DRC11: variants seen among roughly 807,000 people sequenced by gnomAD.
The protein encoded by DRC11 is dynein regulatory complex subunit 11.
the DRC11 span, among the ~76,000 whole-genome samples, chr2:236,328,824 C>T: frequency 6.6e-6 from 1 of 152,156 alleles, no homozygotes; most frequent in Non-Finnish European, 1.5e-5. The surrounding 1 kb of genome is among the most constrained non-coding windows in gnomAD (Gnocchi z 6.7). Context: ...TTGTTACTTG[C>T]CTCTTGTATT....
At chr2:236,391,971 C>T in the DRC11 span, 23 of 1,613,316 alleles carry the variant, frequency 1.4e-5, no homozygotes, top group East Asian at 4.7e-4. This position sits in a 1 kb window ranked among gnomAD's most constrained non-coding sequence, Gnocchi z 4.5. Flanking sequence ...TCCTTCCCCA[C>T]TCACCTTGTC....
At chr2:236,378,266 G>A in the DRC11 span, among the ~76,000 whole-genome samples, 8 of 152,152 alleles carry the variant, frequency 5.3e-5, no homozygotes, top group South Asian at 1.5e-3. Flanking sequence ...TATATATCAA[G>A]GAAGTATCAA....
chr2:236,348,473 C>T, the DRC11 span, among the ~76,000 whole-genome samples: 10,090 of 152,228 alleles, frequency 0.066, 1,103 homozygotes, highest in African/African-American at 0.23. This position sits in a 1 kb window ranked among gnomAD's most constrained non-coding sequence, Gnocchi z 7.4. Context: ...GACAGCACCA[C>T]GTGGTGTTGA....
the DRC11 span, among the ~76,000 whole-genome samples, chr2:236,406,538 G>A: frequency 1.3e-5 from 2 of 152,178 alleles, no homozygotes; most frequent in Admixed American, 6.5e-5. This position sits in a 1 kb window ranked among gnomAD's most constrained non-coding sequence, Gnocchi z 4.7. Flanking sequence ...TCCGTATCCT[G>A]GGGTGGGGGA....
the DRC11 span, among the ~76,000 whole-genome samples, chr2:236,364,639 G>A: frequency 7.9e-5 from 12 of 152,116 alleles, no homozygotes; most frequent in Non-Finnish European, 1.6e-4. Flanking sequence ...TGCCCAGAAG[G>A]GGCCTCAGGT....
At chr2:236,399,511 G>T in the DRC11 span, 1 of 1,601,322 alleles carries the variant, frequency 6.2e-7, no homozygotes, top group Non-Finnish European at 8.6e-7. This position sits in a 1 kb window ranked among gnomAD's most constrained non-coding sequence, Gnocchi z 7.0. Context: ...GAATATTTTC[G>T]TTAATCTCAG....
chr2:236,435,546 G>A, the DRC11 span, among the ~76,000 whole-genome samples: 1 of 152,208 alleles, frequency 6.6e-6, no homozygotes, highest in Admixed American at 6.5e-5. Context: ...GAGGCATCGG[G>A]AAACTTACAA....
the DRC11 span, among the ~76,000 whole-genome samples, chr2:236,358,169 TAA>T: frequency 1.6e-5 from 2 of 122,202 alleles, no homozygotes; most frequent in Non-Finnish European, 3.2e-5. Context: ...TATGAATATA[TAA>T]TATATATACT....
chr2:236,434,137 T>C, the DRC11 span, among the ~76,000 whole-genome samples: 1 of 152,224 alleles, frequency 6.6e-6, no homozygotes, highest in Non-Finnish European at 1.5e-5. This position sits in a 1 kb window ranked among gnomAD's most constrained non-coding sequence, Gnocchi z 5.5. Context: ...TTTAATGTGG[T>C]GCTGGTTTTA....
the DRC11 span, among the ~76,000 whole-genome samples, chr2:236,469,852 G>C: frequency 3.9e-5 from 6 of 152,176 alleles, no homozygotes; most frequent in Admixed American, 2.6e-4. This position sits in a 1 kb window ranked among gnomAD's most constrained non-coding sequence, Gnocchi z 5.8. Context: ...ATTAAAGGAA[G>C]ATAGAGAACA....
At chr2:236,340,932 C>G in the DRC11 span, among the ~76,000 whole-genome samples, 1 of 152,266 alleles carries the variant, frequency 6.6e-6, no homozygotes, top group Non-Finnish European at 1.5e-5. Flanking sequence ...CAGACCACCC[C>G]CATTCCAGTG....
chr2:236,459,657 ATACATACG>A, the DRC11 span, among the ~76,000 whole-genome samples: 1 of 116,218 alleles, frequency 8.6e-6, no homozygotes, highest in Non-Finnish European at 2.0e-5. Context: ...ATATATGTAT[ATACATACG>A]TATATACGTA....
At chr2:236,463,943 T>C in the DRC11 span, among the ~76,000 whole-genome samples, 1 of 152,200 alleles carries the variant, frequency 6.6e-6, no homozygotes, top group African/African-American at 2.4e-5. The surrounding 1 kb of genome is among the most constrained non-coding windows in gnomAD (Gnocchi z 5.0). Context: ...GGGCAGCACT[T>C]AGTTCTCAGG....
chr2:236,479,598 A>G, the DRC11 span, among the ~76,000 whole-genome samples: 2 of 152,336 alleles, frequency 1.3e-5, no homozygotes, highest in African/African-American at 4.8e-5. The surrounding 1 kb of genome is among the most constrained non-coding windows in gnomAD (Gnocchi z 4.1). Context: ...AAAGAAAGGC[A>G]TAGAAACAAA....
At chr2:236,433,545 TAC>T in the DRC11 span, among the ~76,000 whole-genome samples, 1 of 152,252 alleles carries the variant, frequency 6.6e-6, no homozygotes, top group Non-Finnish European at 1.5e-5. Flanking sequence ...TCTAGCTAGC[TAC>T]TGTTTGCATG....
At chr2:236,387,104 A>C in the DRC11 span, among the ~76,000 whole-genome samples, 1 of 151,928 alleles carries the variant, frequency 6.6e-6, no homozygotes, top group African/African-American at 2.4e-5. Flanking sequence ...ATTTTGGAAT[A>C]GGTGTGGTGT....
chr2:236,357,278 TTATA>T, the DRC11 span, among the ~76,000 whole-genome samples: 4 of 118,608 alleles, frequency 3.4e-5, no homozygotes, highest in East Asian at 5.1e-4. Flanking sequence ...TATACATATA[TTATA>T]TATTTATATA....
At chr2:236,354,278 TGAG>T in the DRC11 span, among the ~76,000 whole-genome samples, 1 of 150,416 alleles carries the variant, frequency 6.6e-6, no homozygotes, top group East Asian at 1.9e-4. Flanking sequence ...TGTGTGTGTA[TGAG>T]TTTATGTTAG....
the DRC11 span, among the ~76,000 whole-genome samples, chr2:236,489,058 T>C: frequency 1.5e-5 from 2 of 135,990 alleles, no homozygotes. Context: ...GAGGCCTTTA[T>C]GGGCTCCGGG....
Sources: gnomAD v4.1 joint callset for allele counts (sites outside exome capture counted in the v4.1 genomes callset) on GRCh38, gnomAD v4.1.1 for gene constraint, Gnocchi (gnomAD v3.1) non-coding constraint, MANE v1.5 for transcripts, NCBI Gene and HGNC (gene_info 2026-07-23, HGNC 2026-07-21) for gene names.